The following CLIC5 variants were observed in gnomAD, a reference collection of about 807,000 sequenced individuals.
The protein encoded by CLIC5 is CLIC family member 5, also known as chloride intracellular channel protein 5.
CLIC5 carries 20 observed loss-of-function variants against 24.7 expected under a neutral mutation model. The observed-to-expected ratio is 0.81, with a 90% CI of 0.57 to 1.18. CLIC5 has a LOEUF of 1.18. Among genes scored for constraint, CLIC5 ranks in the 50% most tolerant of loss-of-function variants. CLIC5 has a pLI of 0.00. For missense variants in CLIC5, 341 were observed against 326.1 expected, an observed-to-expected ratio of 1.05 and a Z score of -0.35; for synonymous variants, 159 against 135.6, an observed-to-expected ratio of 1.17 and a Z score of -1.20.
chr6:45,955,311 A>G, intron 1 of CLIC5, 67 bp from the exon 2 acceptor site: 1 of 1,152,642 alleles, frequency 8.7e-7, no homozygotes, highest in Non-Finnish European at 1.3e-6. Context: ...TAAGATTGTA[A>G]CACCCAAATG....
chr6:45,919,524 C>G (rs933339441), intron 4 of CLIC5, among the ~76,000 whole-genome samples: 1 of 151,964 alleles, frequency 6.6e-6, no homozygotes, highest in Non-Finnish European at 1.5e-5. Context: ...TCATCCCCAA[C>G]TCCCCTGTGC....
chr6:46,128,147 C>T, the CLIC5 span, among the ~76,000 whole-genome samples: 4 of 152,106 alleles, frequency 2.6e-5, no homozygotes, highest in African/African-American at 4.8e-5. Context: ...AGTTTAGGGC[C>T]AAAGGTCCTT....
intron 4 of CLIC5, among the ~76,000 whole-genome samples, chr6:45,925,948 G>C (rs1187110724): frequency 2.0e-5 from 3 of 152,098 alleles, no homozygotes; most frequent in Non-Finnish European, 2.9e-5. Flanking sequence ...AACGACTCAG[G>C]TAGGACTGAG....
chr6:46,091,703 A>G, the CLIC5 span, among the ~76,000 whole-genome samples: 1 of 152,342 alleles, frequency 6.6e-6, no homozygotes, highest in East Asian at 1.9e-4. Context: ...ATACCAAAAA[A>G]TGCCAAATAT....
At chr6:45,945,062 G>T (rs2127373758) in intron 3 of CLIC5, among the ~76,000 whole-genome samples, 1 of 152,240 alleles carries the variant, frequency 6.6e-6, no homozygotes, top group Middle Eastern at 3.4e-3. Context: ...TTCATTAAAA[G>T]ATATCCCCTA....
At chr6:46,093,473 A>T in the CLIC5 span, among the ~76,000 whole-genome samples, 1 of 152,222 alleles carries the variant, frequency 6.6e-6, no homozygotes, top group African/African-American at 2.4e-5. Flanking sequence ...CCACAGTCTG[A>T]CTAGGAAAGT....
At chr6:45,912,882 C>A in intron 5 of CLIC5, 1 of 646,818 alleles carries the variant, frequency 1.5e-6, no homozygotes. Context: ...GTTGTATTTG[C>A]CCACTCCATT....
At chr6:45,968,639 C>G (rs1765094301) in intron 1 of CLIC5, among the ~76,000 whole-genome samples, 1 of 152,158 alleles carries the variant, frequency 6.6e-6, no homozygotes, top group Non-Finnish European at 1.5e-5. Context: ...TACTTCAAGG[C>G]TGGTTGGAAG....
At chr6:46,049,865 C>A (rs531515404) in intron 1 of CLIC5, among the ~76,000 whole-genome samples, 1 of 152,294 alleles carries the variant, frequency 6.6e-6, no homozygotes, top group South Asian at 2.1e-4. Context: ...CTGAGTTAAA[C>A]AAGATTCAAG....
At chr6:45,915,065 G>T (rs1033477736) in intron 4 of CLIC5, among the ~76,000 whole-genome samples, 1 of 151,404 alleles carries the variant, frequency 6.6e-6, no homozygotes, top group Non-Finnish European at 1.5e-5. Flanking sequence ...GAGTAGCTGG[G>T]ATTACAGGCA....
At chr6:46,045,506 T>C (rs1419655608) in intron 1 of CLIC5, among the ~76,000 whole-genome samples, 1 of 152,132 alleles carries the variant, frequency 6.6e-6, no homozygotes, top group Non-Finnish European at 1.5e-5. Flanking sequence ...CCATTCTCCA[T>C]GATGCTGGTT....
chr6:46,100,370 T>C, the CLIC5 span, among the ~76,000 whole-genome samples: 13 of 152,342 alleles, frequency 8.5e-5, no homozygotes, highest in South Asian at 2.7e-3. Flanking sequence ...AACTGAGAAT[T>C]GGAAAAGTTA....
At chr6:46,072,000 C>G (rs139304335) in intron 1 of CLIC5, among the ~76,000 whole-genome samples, 1 of 151,950 alleles carries the variant, frequency 6.6e-6, no homozygotes, top group South Asian at 2.1e-4. Flanking sequence ...AACCAAACAC[C>G]GCATGCTCTC....
intron 5 of CLIC5, among the ~76,000 whole-genome samples, chr6:45,904,392 T>C (rs995801979): frequency 1.3e-5 from 2 of 152,016 alleles, no homozygotes; most frequent in African/African-American, 4.8e-5. Context: ...GAGGTCTCTC[T>C]AGCTGCGGCA....
intron 1 of CLIC5, among the ~76,000 whole-genome samples, chr6:45,964,658 C>G (rs1764960622): frequency 6.6e-6 from 1 of 152,176 alleles, no homozygotes. Context: ...CCTCAACAAC[C>G]AGACAAGAGA....
intron 5 of CLIC5, among the ~76,000 whole-genome samples, chr6:45,910,948 A>G (rs1419634680): frequency 2.0e-5 from 3 of 152,284 alleles, no homozygotes; most frequent in South Asian, 4.1e-4. Context: ...TATTTTGTCA[A>G]TACTCACAGG....
At chr6:46,017,091 C>A (rs908945692), upstream of CLIC5, among the ~76,000 whole-genome samples, 1 of 152,142 alleles carries the variant, frequency 6.6e-6, no homozygotes, top group East Asian at 1.9e-4. Context: ...TATAAGAATG[C>A]TCTCCTTGTG....
At chr6:45,920,159 G>A in intron 4 of CLIC5, 1 of 977,086 alleles carries the variant, frequency 1.0e-6, no homozygotes, top group South Asian at 4.8e-5. Context: ...TTTGTGTTCT[G>A]CTACCAGTGC....
At chr6:45,963,590 C>T (rs1764923028) in intron 1 of CLIC5, among the ~76,000 whole-genome samples, 1 of 151,978 alleles carries the variant, frequency 6.6e-6, no homozygotes, top group South Asian at 2.1e-4. Context: ...ACATGACTGT[C>T]CTTCCCAAGT....
Sources: gnomAD v4.1 joint callset for allele counts (sites outside exome capture counted in the v4.1 genomes callset) on GRCh38, gnomAD v4.1.1 for gene constraint, MANE v1.5 for transcripts, NCBI Gene and HGNC (gene_info 2026-07-23, HGNC 2026-07-21) for gene names.